Variants in RNF2 observed in about 807,000 individuals in gnomAD.
RNF2 encodes the protein ring finger protein 2.
Under a neutral mutation model 37.2 loss-of-function variants are expected in RNF2, and 6 were observed. That is an observed-to-expected ratio of 0.16 (90% CI 0.09 to 0.32). The LOEUF is 0.32. Among genes scored for constraint, RNF2 ranks in the 10% least tolerant of loss-of-function variants. RNF2 has a pLI of 1.00. For synonymous variants in RNF2, 133 were observed against 132.7 expected (o/e 1.00, Z -0.02); for missense variants, 251 against 404.0 (o/e 0.62, Z 3.25).
At chr1:185,065,546 C>T (rs2102165940) in intron 1 of RNF2, among the ~76,000 whole-genome samples, 1 of 152,230 alleles carries the variant, frequency 6.6e-6, no homozygotes. Flanking sequence ...GACCATGAAC[C>T]CACCAGGAGG....
intron 2 of RNF2, among the ~76,000 whole-genome samples, chr1:185,090,364 C>A (rs144884694): frequency 6.6e-6 from 1 of 152,244 alleles, no homozygotes; most frequent in Non-Finnish European, 1.5e-5. Context: ...TAGGCATGTT[C>A]TAAAGAGGCA....
rs190011757 is a variant in RNF2 at position 185,091,809 on chromosome 1, A to G, written c.248+70A>G. The G allele has an allele frequency of 9.3e-4, 1,309 of 1,402,784 alleles. 24 individuals carry two copies. The Admixed American group carries it at 0.026, about 28-fold the overall frequency. The allele number at this position is 1,402,784 out of a possible 1,614,324, so 86.9% of individuals were successfully genotyped here. On this transcript the variant is annotated intron_variant, in intron 3 of 6. Transcript: ENST00000367510. ...GAAAGTGCTTTCCAGGGTTTGAGAA[A>G]TACATTTTCTTTTTTTTTTTTTTGA...
chr1:185,085,055 G>A (rs747382705), intron 1 of RNF2, among the ~76,000 whole-genome samples: 20 of 151,822 alleles, frequency 1.3e-4, no homozygotes, highest in Admixed American at 7.2e-4. Flanking sequence ...CAACTGTACT[G>A]CTCTTCCAAC....
At position 185,100,227 on chromosome 1, in the gene RNF2, T is replaced by C. The variant is rs773654920; in HGVS notation, c.937T>C (p.Leu313=). 3.7e-6 allele frequency: 6 copies of C among 1,608,696 alleles called. No individual in the cohort carries two copies. The African/African-American group carries it at 6.7e-5, about 18-fold the overall frequency. Residue 313 remains leucine (L), a synonymous_variant, in exon 7 of 7, where the codon TTG becomes CTG. Transcript: ENST00000367510. ...ATTAAATGGCTCTTTTTCTTTGGAA[T>C]TGGTCAGTGAGAAATACTGGAAAGT... ...TVLNGSFSLE[L]VSEKYWKVNK...
At chr1:185,063,333 T>G (rs150235707) in intron 1 of RNF2, among the ~76,000 whole-genome samples, 2 of 152,154 alleles carry the variant, frequency 1.3e-5, no homozygotes, top group African/African-American at 2.4e-5. Context: ...ATTCAGTGAG[T>G]CTGAAATGCA....
chr1:185,080,626 A>G (rs1468237451), intron 1 of RNF2, among the ~76,000 whole-genome samples: 3 of 152,198 alleles, frequency 2.0e-5, no homozygotes, highest in Non-Finnish European at 4.4e-5. Flanking sequence ...TATTATTGTA[A>G]TGCAGACTTA....
intron 1 of RNF2, among the ~76,000 whole-genome samples, chr1:185,081,592 G>A (rs796513130): frequency 2.2e-5 from 2 of 89,084 alleles, no homozygotes; most frequent in African/African-American, 6.5e-5. Flanking sequence ...CGGGTGGGGT[G>A]GGGGGGGGCG....
At chr1:185,100,056 A>C in intron 6 of RNF2, 94 bp downstream of exon 6, 1 of 1,310,086 alleles carries the variant, frequency 7.6e-7, no homozygotes, top group South Asian at 1.4e-5. Context: ...TAAATAATGT[A>C]AAAAACCGTA....
chr1:185,068,277 AGT>A (rs1429944444), intron 1 of RNF2, among the ~76,000 whole-genome samples: 1 of 152,212 alleles, frequency 6.6e-6, no homozygotes, highest in African/African-American at 2.4e-5. Flanking sequence ...TACTTTGGTC[AGT>A]GTGGTAGGCT....
At chr1:185,060,641 T>C (rs2102160401) in intron 1 of RNF2, among the ~76,000 whole-genome samples, 1 of 152,340 alleles carries the variant, frequency 6.6e-6, no homozygotes, top group African/African-American at 2.4e-5. Flanking sequence ...GTCTGAGGTT[T>C]AGTTGACTAA....
rs764961469 is a variant in RNF2, at chr1:185,099,777, A to G, written c.738-14A>G. 6 of 1,599,006 alleles carry G rather than the reference A, an allele frequency of 3.8e-6. No individual in the cohort carries two copies. The highest frequency in any genetic ancestry group is 5.1e-6 in the Non-Finnish European group (6 of 1,174,190). On this transcript the variant is annotated splice_polypyrimidine_tract_variant and intron_variant, in intron 5 of 6. Coordinates refer to ENST00000367510, the MANE Select transcript of RNF2 (RefSeq NM_007212.4). The stretch of plus-strand genomic sequence containing the variant: ...TATTCTAGAAATGAAATTTTTAATG[A>G]TTTATTCTTCTAGATACATAAAGAC...
intron 1 of RNF2, chr1:185,071,700 A>G (rs1571307168): frequency 1.2e-5 from 2 of 167,562 alleles, no homozygotes. Flanking sequence ...CATTCAGGTA[A>G]TGCATCTCAA....
intron 1 of RNF2, among the ~76,000 whole-genome samples, chr1:185,068,294 A>C (rs1410815675): frequency 6.6e-6 from 1 of 152,144 alleles, no homozygotes; most frequent in Non-Finnish European, 1.5e-5. Flanking sequence ...TAGGCTGAAA[A>C]ATGTCCCCCA....
chr1:185,065,485 A>G (rs534076128), intron 1 of RNF2, among the ~76,000 whole-genome samples: 2 of 152,250 alleles, frequency 1.3e-5, no homozygotes, highest in South Asian at 4.1e-4. Context: ...TACCTTTATG[A>G]GCTGTAACAC....
intron 1 of RNF2, among the ~76,000 whole-genome samples, chr1:185,073,915 A>C (rs2102176107): frequency 6.6e-6 from 1 of 152,294 alleles, no homozygotes; most frequent in Non-Finnish European, 1.5e-5. Flanking sequence ...CAGACCCCAC[A>C]CATTAAGGGA....
At position 185,099,996 on chromosome 1, in the gene RNF2, G is replaced by A. The variant is rs750966216; in HGVS notation, c.909+34G>A. The A allele has an allele frequency of 1.1e-5, 17 of 1,580,604 alleles. No individual in the cohort carries two copies. The South Asian group carries it at 1.5e-4, about 14-fold the overall frequency. ...TTAAAATAATAGACTGTTGAAACTG[G>A]GAGCACACTGACCAACTAACTGAGT... On this transcript the variant is annotated intron_variant, in intron 6 of 6. Coordinates refer to ENST00000367510, the MANE Select transcript of RNF2 (RefSeq NM_007212.4).
chr1:185,064,935 G>C (rs1333676076), intron 1 of RNF2, among the ~76,000 whole-genome samples: 3 of 152,068 alleles, frequency 2.0e-5, no homozygotes, highest in African/African-American at 7.2e-5. Flanking sequence ...CAACGTTGCT[G>C]AATTCATTTA....
At chr1:185,054,963 G>A (rs2102154250) in intron 1 of RNF2, among the ~76,000 whole-genome samples, 1 of 152,328 alleles carries the variant, frequency 6.6e-6, no homozygotes, top group South Asian at 2.1e-4. Context: ...GCCTTCCAGA[G>A]TGCTAGGATT....
At chr1:185,083,460 T>C (rs889020621) in intron 1 of RNF2, among the ~76,000 whole-genome samples, 1 of 152,050 alleles carries the variant, frequency 6.6e-6, no homozygotes, top group Admixed American at 6.6e-5. Flanking sequence ...CAGTATAAAG[T>C]CTTGACGGCA....
Sources: allele counts gnomAD v4.1 joint callset (sites outside exome capture counted in the v4.1 genomes callset), GRCh38; gene constraint gnomAD v4.1.1; transcripts MANE v1.5; gene names NCBI Gene and HGNC (gene_info 2026-07-23, HGNC 2026-07-21).